Variants in LRRK1 observed in about 807,000 individuals in gnomAD.
LRRK1 encodes the protein leucine-rich repeat serine/threonine-protein kinase 1.
Under a neutral mutation model 209.1 loss-of-function variants are expected in LRRK1, and 113 were observed. The ratio of observed to expected loss-of-function variants is 0.54; its 90% CI spans 0.46 to 0.63. LRRK1 has a LOEUF of 0.63. Among genes scored for constraint, LRRK1 ranks in the 30% least tolerant of loss-of-function variants. LRRK1 has a pLI of 0.00. For synonymous variants in LRRK1, 1,144 were observed against 1,099.7 expected (o/e 1.04, Z -0.80); for missense variants, 2,284 against 2,632.2 (o/e 0.87, Z 2.89).
chr15:100,946,906 G>C (rs1327795589), intron 2 of LRRK1, among the ~76,000 whole-genome samples: 1 of 152,196 alleles, frequency 6.6e-6, no homozygotes, highest in Non-Finnish European at 1.5e-5. Context: ...ATTCCAAAGA[G>C]CTCTTTTCCT....
chr15:100,957,598 T>C (rs1486196188), intron 2 of LRRK1, among the ~76,000 whole-genome samples: 1 of 152,252 alleles, frequency 6.6e-6, no homozygotes, highest in Non-Finnish European at 1.5e-5. Flanking sequence ...TTCAGTCTGG[T>C]ATAAGTATCG....
At chr15:100,989,680 A>G (rs771641688) in intron 6 of LRRK1, 4 of 557,358 alleles carry the variant, frequency 7.2e-6, no homozygotes, top group Non-Finnish European at 1.3e-5. Flanking sequence ...ACATCAATCC[A>G]TTTATGAGGG....
At position 101,065,540 on chromosome 15, in the gene LRRK1, C is replaced by T. The variant is rs190667875; in HGVS notation, c.5103C>T (p.Ser1701=). ...YPVKAMEVVN[S]GSEVWYSNGP... ...TGAAGGCCATGGAGGTGGTCAACAG[C>T]GGCTCTGAGGTCTGGTACAGCAATG... Residue 1701 remains serine (S), a synonymous_variant, in exon 32 of 34, where the codon AGC becomes AGT. Coordinates refer to ENST00000388948, the MANE Select transcript of LRRK1 (RefSeq NM_024652.6). 1,249 of 1,614,190 alleles carry T rather than the reference C, an allele frequency of 7.7e-4. 7 individuals carry two copies. The African/African-American group carries it at 0.015, about 19-fold the overall frequency.
chr15:100,928,897 T>A (rs1193453732), intron 2 of LRRK1, among the ~76,000 whole-genome samples: 1 of 152,060 alleles, frequency 6.6e-6, no homozygotes, highest in African/African-American at 2.4e-5. Context: ...CACAATTGTG[T>A]CCCAGGAAGG....
At chr15:101,035,670 G>T (rs2034468313) in intron 20 of LRRK1, among the ~76,000 whole-genome samples, 2 of 151,728 alleles carry the variant, frequency 1.3e-5, no homozygotes. Flanking sequence ...TAATATGTGA[G>T]GTTTTGTTCC....
At chr15:101,067,970 G>A (rs370947077) in intron 33 of LRRK1, among the ~76,000 whole-genome samples, 105 of 152,342 alleles carry the variant, frequency 6.9e-4, no homozygotes, top group East Asian at 5.2e-3. Context: ...AAGGCCACGC[G>A]GAGTGAGAGG....
intron 2 of LRRK1, among the ~76,000 whole-genome samples, chr15:100,971,226 C>T (rs1018922702): frequency 2.6e-5 from 4 of 151,252 alleles, no homozygotes; most frequent in African/African-American, 9.7e-5. Context: ...CCCAGCTACT[C>T]AGGAGGTTGA....
chr15:101,058,134 G>A lies in LRRK1; in HGVS notation c.4672G>A (p.Glu1558Lys). ...YTVVFWDGKEESRNYTVVNTE... is the reference protein window; with the variant it reads ...YTVVFWDGKEKSRNYTVVNTE... ...CGTGGTGTTTTGGGATGGAAAAGAG[G>A]AGTCCAGGTAAGCTCCTGCGGGCTG... Residue 1558 changes from glutamate (E) to lysine (K), a missense_variant, in exon 29 of 34, where the codon GAG becomes AAG. Physicochemically the swap from Glu to Lys is moderately conservative, Grantham distance 56. Transcript: ENST00000388948. The A allele has an allele frequency of 6.2e-7, 1 of 1,614,160 alleles. No homozygotes were observed. The highest frequency in any genetic ancestry group is 8.5e-7 in the Non-Finnish European group (1 of 1,180,024).
chr15:101,007,198 C>T (rs1993376), intron 6 of LRRK1, among the ~76,000 whole-genome samples: 90,734 of 152,060 alleles, frequency 0.6, 27,259 homozygotes, highest in East Asian at 0.74. Flanking sequence ...TTGAGGAATT[C>T]ATCCCACGTT....
intron 2 of LRRK1, among the ~76,000 whole-genome samples, chr15:100,941,456 C>G (rs368898140): frequency 0.043 from 239 of 5,582 alleles, 1 homozygote; most frequent in East Asian, 0.12. Flanking sequence ...CTGTGTGTGT[C>G]TATGTCTCTG....
chr15:100,920,621 G>A (rs2042003842), intron 1 of LRRK1, among the ~76,000 whole-genome samples: 1 of 151,924 alleles, frequency 6.6e-6, no homozygotes, highest in Non-Finnish European at 1.5e-5. Flanking sequence ...TGTCTAAAAT[G>A]TGTCCTGATC....
intron 2 of LRRK1, among the ~76,000 whole-genome samples, chr15:100,969,106 C>T (rs1251448125): frequency 6.6e-6 from 1 of 152,288 alleles, no homozygotes; most frequent in East Asian, 1.9e-4. Flanking sequence ...TTCCAAATTG[C>T]TGGGATTACA....
chr15:100,978,183 C>A (rs539210432), intron 3 of LRRK1, among the ~76,000 whole-genome samples: 1 of 151,836 alleles, frequency 6.6e-6, no homozygotes, highest in African/African-American at 2.4e-5. Flanking sequence ...AGAAATTACC[C>A]ACTCTGGAAC....
rs779432963 is a variant in LRRK1 at position 101,049,782 on chromosome 15, C to T, written c.3438C>T (p.Pro1146=). 33 of 1,611,892 alleles carry T rather than the reference C, an allele frequency of 2.0e-5. No individual in the cohort carries two copies. The highest frequency in any genetic ancestry group is 1.6e-4 in the East Asian group (7 of 44,814). ...ATTCCTTGATTGATCAGTGGTTTCC[C>T]GGTAAGAGGAGATGCTAGAAGCAAG... ...HVNSLIDQWF[P]ALTATESDGT... Residue 1146 remains proline (P), a splice_region_variant and synonymous_variant, in exon 23 of 34, where the codon CCC becomes CCT. Coordinates refer to ENST00000388948, the MANE Select transcript of LRRK1 (RefSeq NM_024652.6).
In LRRK1 at chr15:101,052,967, C is replaced by T; in HGVS notation, c.3735C>T (p.Gly1245=). 6.2e-7 allele frequency: 1 copy of T among 1,612,054 alleles called. No individual in the cohort carries two copies. The stretch of plus-strand genomic sequence containing the variant: ...AGCTGGAGCACAGCGAGGACGAGGG[C>T]AGCGTCCTGGGCCAGGGCGGCAGTG... The part of the protein sequence containing the change: ...NSKLEHSEDE[G]SVLGQGGSGT... Residue 1245 remains glycine (G), a synonymous_variant, in exon 25 of 34, where the codon GGC becomes GGT. Coordinates refer to ENST00000388948, the MANE Select transcript of LRRK1 (RefSeq NM_024652.6).
In LRRK1 at chr15:100,974,159, A is replaced by AGCAG. The variant is rs1388121953; in HGVS notation, c.261+195_261+198dup. The AGCAG allele has an allele frequency of 1.4e-5, 6 of 432,460 alleles. No homozygotes were observed. In the East Asian group the frequency reaches 2.2e-4, roughly 16 times the overall value. The allele number at this position is 432,460 out of a possible 1,614,324, so 26.8% of individuals were successfully genotyped here. ...TGACTTCTCAGTCTGATATCACCTAAGCAGGCCCCTGCCACCTTTTCATGG... is the reference window on the plus strand; with the variant it reads ...TGACTTCTCAGTCTGATATCACCTAAGCAGGCAGGCCCCTGCCACCTTTTCATGG... On this transcript the variant is annotated intron_variant, in intron 3 of 33. Coordinates refer to ENST00000388948, the MANE Select transcript of LRRK1 (RefSeq NM_024652.6).
In LRRK1 at chr15:101,022,280, A is replaced by T. The variant is rs145959991; in HGVS notation, c.1853-103A>T. 9.1e-3 allele frequency: 10,349 copies of T among 1,138,534 alleles called. 91 individuals carry two copies. Among genetic ancestry groups the T allele is most frequent in the Non-Finnish European group, 9.9e-3 (7,556 of 767,034 alleles). 70.5% of individuals were successfully genotyped at this position (1,138,534 alleles called of 1,614,324 possible). On this transcript the variant is annotated intron_variant, in intron 14 of 33. Transcript: ENST00000388948. This position sits in a 1 kb window ranked among gnomAD's most constrained non-coding sequence, Gnocchi z 4.0. The stretch of plus-strand genomic sequence containing the variant: ...CCAGTAGTCTTCCTTAACTGTCCCC[A>T]CTAAAACACAAAGAAGGAGTTCCTT...
chr15:100,920,856 C>T (rs1183293985), intron 1 of LRRK1, among the ~76,000 whole-genome samples: 6 of 152,164 alleles, frequency 3.9e-5, no homozygotes, highest in African/African-American at 1.4e-4. Context: ...AGGAGACCTC[C>T]TTCTCCTCAC....
intron 31 of LRRK1, chr15:101,064,331 C>A: frequency 6.5e-6 from 1 of 153,862 alleles, no homozygotes; most frequent in Non-Finnish European, 1.4e-5. Flanking sequence ...GCTTTCTGCC[C>A]TGCCCCCTCA....
Sources: gnomAD v4.1 joint callset for allele counts (sites outside exome capture counted in the v4.1 genomes callset) on GRCh38, gnomAD v4.1.1 for gene constraint, Gnocchi (gnomAD v3.1) non-coding constraint, MANE v1.5 for transcripts, NCBI Gene and HGNC (gene_info 2026-07-23, HGNC 2026-07-21) for gene names.